Variants in UNC13C observed in about 807,000 individuals in gnomAD.
UNC13C encodes the protein protein unc-13 homolog C.
UNC13C carries 174 observed loss-of-function variants against 245.4 expected under a neutral mutation model. The ratio of observed to expected loss-of-function variants is 0.71; its 90% confidence interval spans 0.63 to 0.80. The LOEUF (loss-of-function observed/expected upper bound fraction) is 0.80. UNC13C is among the 30% of genes least tolerant of loss of function. The pLI is 0.00. For synonymous variants in UNC13C, 992 were observed against 895.1 expected (o/e 1.11, Z -1.93); for missense variants, 2,829 against 2,602.9 (o/e 1.09, Z -1.89).
chr15:54,615,792 C>T (rs1205067255), intron 30 of UNC13C, among the ~76,000 whole-genome samples: 1 of 151,986 alleles, frequency 6.6e-6, no homozygotes, highest in African/African-American at 2.4e-5. Flanking sequence ...TGCCCAAGTT[C>T]TTCTCTTGTT....
intron 4 of UNC13C, among the ~76,000 whole-genome samples, chr15:54,172,807 C>G (rs2033468098): frequency 1.4e-5 from 2 of 140,114 alleles, no homozygotes; most frequent in Non-Finnish European, 3.1e-5. Context: ...AAGTATATCC[C>G]TACCCCATGG....
upstream of UNC13C, among the ~76,000 whole-genome samples, chr15:53,976,477 C>CTTTTGTTTTTTTTTTTT (rs1893706159): frequency 1.6e-5 from 1 of 63,024 alleles, no homozygotes; most frequent in Non-Finnish European, 2.8e-5. Context: ...CTCTCTCTCT[C>CTTTTGTTTTTTTTTTTT]TTTTTTTTTT....
At chr15:54,489,795 T>G (rs1241942930) in intron 19 of UNC13C, among the ~76,000 whole-genome samples, 4 of 152,236 alleles carry the variant, frequency 2.6e-5, no homozygotes, top group Non-Finnish European at 5.9e-5. Context: ...TTATGTTTAG[T>G]ATTTGCCACT....
At chr15:54,202,224 T>A (rs1415729641) in intron 4 of UNC13C, among the ~76,000 whole-genome samples, 1 of 151,956 alleles carries the variant, frequency 6.6e-6, no homozygotes, top group Non-Finnish European at 1.5e-5. Flanking sequence ...GAATCAATAT[T>A]GTGAAAAGGA....
intron 19 of UNC13C, among the ~76,000 whole-genome samples, chr15:54,443,372 T>C (rs1890636981): frequency 6.6e-6 from 1 of 152,102 alleles, no homozygotes; most frequent in Non-Finnish European, 1.5e-5. Context: ...GTTTCATTGA[T>C]CCTTTGTATT....
At position 54,627,786 on chromosome 15, in the gene UNC13C, G is replaced by T. The variant is rs1030759801; in HGVS notation, c.*673G>T. ...AAACTTTGTTCTCTAAAACTGCCAA[G>T]ATCACATCACATTTGTAAAAATGGT... On this transcript the variant is annotated 3_prime_UTR_variant, in exon 33 of 33. Coordinates refer to ENST00000260323, the MANE Select transcript of UNC13C (RefSeq NM_001080534.3). 1.3e-5 allele frequency: 2 copies of T among 152,528 alleles called. No individual in the cohort carries two copies. The highest frequency in any genetic ancestry group is 4.8e-5 in the African/African-American group (2 of 41,422). 9.4% of individuals were successfully genotyped at this position (152,528 alleles called of 1,614,324 possible). A position where few individuals can be genotyped will look rare whatever the true frequency, so the allele number is the denominator to read the frequency against.
At chr15:54,234,499 T>C (rs1048130332) in intron 4 of UNC13C, among the ~76,000 whole-genome samples, 1 of 152,196 alleles carries the variant, frequency 6.6e-6, no homozygotes, top group African/African-American at 2.4e-5. Context: ...CATTTACCTG[T>C]AGGATGAATT....
intron 2 of UNC13C, among the ~76,000 whole-genome samples, chr15:54,066,410 C>T (rs1057404067): frequency 6.6e-6 from 1 of 152,158 alleles, no homozygotes; most frequent in Non-Finnish European, 1.5e-5. Context: ...TAGAGTTAGT[C>T]CATTTTGTGT....
chr15:54,340,610 A>G (rs1456812393), intron 17 of UNC13C, among the ~76,000 whole-genome samples: 4 of 152,064 alleles, frequency 2.6e-5, no homozygotes, highest in Non-Finnish European at 4.4e-5. Flanking sequence ...ATGCGGGTTT[A>G]TTTATGTGTT....
intron 8 of UNC13C, among the ~76,000 whole-genome samples, chr15:54,253,130 T>C (rs1223790542): frequency 6.6e-6 from 1 of 152,246 alleles, no homozygotes; most frequent in Non-Finnish European, 1.5e-5. Context: ...ATTCTCTACA[T>C]GTGGTCTGAC....
intron 30 of UNC13C, among the ~76,000 whole-genome samples, chr15:54,608,228 TAAAAAC>T (rs752226000): frequency 2.6e-5 from 4 of 152,092 alleles, no homozygotes; most frequent in Non-Finnish European, 4.4e-5. Flanking sequence ...CTTACTCAAA[TAAAAAC>T]AAAAAGACGT....
At chr15:54,036,030 TGAC>T (rs1241899585) in intron 2 of UNC13C, among the ~76,000 whole-genome samples, 2 of 152,200 alleles carry the variant, frequency 1.3e-5, no homozygotes, top group African/African-American at 4.8e-5. Context: ...TCATTCTAGG[TGAC>T]TGCAAGCCAA....
intron 4 of UNC13C, among the ~76,000 whole-genome samples, chr15:54,218,188 C>T (rs561333030): frequency 3.8e-4 from 58 of 151,974 alleles, no homozygotes; most frequent in Non-Finnish European, 7.4e-4. Context: ...AAAAGTAGGA[C>T]ATCCTCCTGT....
chr15:54,168,457 T>G (rs989578513), intron 4 of UNC13C, among the ~76,000 whole-genome samples: 1 of 152,216 alleles, frequency 6.6e-6, no homozygotes, highest in Non-Finnish European at 1.5e-5. Context: ...GGGATCTCGC[T>G]CATTTTTATT....
chr15:53,939,817 G>C, the UNC13C span, among the ~76,000 whole-genome samples: 1 of 68,196 alleles, frequency 1.5e-5, no homozygotes, highest in Non-Finnish European at 3.3e-5. Flanking sequence ...AAGGACGAGA[G>C]AGAGAGAGAG....
chr15:54,311,953 G>T (rs2037885050), intron 13 of UNC13C, among the ~76,000 whole-genome samples: 1 of 151,650 alleles, frequency 6.6e-6, no homozygotes, highest in Non-Finnish European at 1.5e-5. Flanking sequence ...AGTGCTTAAG[G>T]TTACAAAGAG....
intron 4 of UNC13C, among the ~76,000 whole-genome samples, chr15:54,145,240 T>C (rs2032204720): frequency 1.3e-5 from 2 of 152,126 alleles, no homozygotes; most frequent in South Asian, 4.1e-4. Flanking sequence ...GTTTCACAGT[T>C]CTGTTTTGTA....
At chr15:54,326,631 G>C (rs2038303741) in intron 14 of UNC13C, among the ~76,000 whole-genome samples, 1 of 152,186 alleles carries the variant, frequency 6.6e-6, no homozygotes, top group South Asian at 2.1e-4. Context: ...GATAGCAAGA[G>C]AGAAGGAGGG....
At chr15:54,524,304 G>T (rs1002170705) in intron 24 of UNC13C, among the ~76,000 whole-genome samples, 1 of 150,978 alleles carries the variant, frequency 6.6e-6, no homozygotes, top group Non-Finnish European at 1.5e-5. Flanking sequence ...GACAAGAGCT[G>T]TCACCATAAC....
Sources: allele counts gnomAD v4.1 joint callset (sites outside exome capture counted in the v4.1 genomes callset), GRCh38; gene constraint gnomAD v4.1.1; transcripts MANE v1.5; gene names NCBI Gene and HGNC (gene_info 2026-07-23, HGNC 2026-07-21).